The following BMS1 variants were observed in gnomAD, a reference collection of about 807,000 sequenced individuals.
The protein encoded by BMS1 is ribosome biogenesis protein BMS1 homolog.
BMS1 carries 53 observed loss-of-function variants against 138.7 expected under a neutral mutation model. The observed-to-expected ratio is 0.38, with a 90% CI of 0.31 to 0.48. The LOEUF is 0.48. Among genes scored for constraint, BMS1 ranks in the 20% least tolerant of loss-of-function variants. The pLI is 0.97. For missense variants in BMS1, 1,360 were observed against 1,565.5 expected (o/e 0.87, Z 2.22); for synonymous variants, 504 against 539.9 (o/e 0.93, Z 0.92).
chr10:42,817,712 C>T (rs1016956982), intron 15 of BMS1, among the ~76,000 whole-genome samples: 1 of 152,200 alleles, frequency 6.6e-6, no homozygotes, highest in African/African-American at 2.4e-5. Flanking sequence ...AAGATCCATA[C>T]CTATTTTGTA....
intron 14 of BMS1, 74 bp from the exon 15 acceptor site, chr10:42,817,244 A>T (rs1364009040): frequency 8.6e-7 from 1 of 1,168,230 alleles, no homozygotes; most frequent in African/African-American, 1.6e-5. Context: ...TTTAAATAGA[A>T]CTTTAAAAAA....
chr10:42,828,869 T>A (rs1251269259), intron 21 of BMS1, among the ~76,000 whole-genome samples: 1 of 152,156 alleles, frequency 6.6e-6, no homozygotes, highest in Non-Finnish European at 1.5e-5. Context: ...CCGTCTTACA[T>A]GAATTTTTAT....
intron 19 of BMS1, 58 bp from the exon 20 acceptor site, chr10:42,823,060 G>A: frequency 7.4e-7 from 1 of 1,352,286 alleles, no homozygotes; most frequent in Non-Finnish European, 9.6e-7. Context: ...GAAGTAAGAA[G>A]TAAAGCATAA....
In BMS1 at chr10:42,791,654, A is replaced by G. The variant is rs752466647; in HGVS notation, c.664A>G (p.Met222Val). 2 of 1,612,276 alleles carry G rather than the reference A, an allele frequency of 1.2e-6. No individual in the cohort carries two copies. Among genetic ancestry groups the G allele is most frequent in the Non-Finnish European group, 1.7e-6 (2 of 1,179,434 alleles). ...PGAKLFYLSG[M>V]VHGEYQNQEI... ...TGCCAAGCTGTTCTACCTTTCTGGAATGGTGCATGGAGAATATCAAAACCA... is the reference window on the plus strand; with the variant it reads ...TGCCAAGCTGTTCTACCTTTCTGGAGTGGTGCATGGAGAATATCAAAACCA... Residue 222 changes from methionine to valine, a missense_variant, in exon 6 of 23, where the codon ATG becomes GTG. Physicochemically the swap from Met to Val is conservative, Grantham distance 21 (BLOSUM62 1). This residue lies in a region of BMS1 where 238 missense variants were observed against 311.1 expected (regional missense o/e 0.77). Transcript: ENST00000374518.
At chr10:42,807,964 G>A (rs1175697408) in intron 13 of BMS1, among the ~76,000 whole-genome samples, 2 of 152,100 alleles carry the variant, frequency 1.3e-5, no homozygotes, top group Admixed American at 6.5e-5. Flanking sequence ...TGTTCTCACT[G>A]TTGTTTATTC....
In BMS1 at chr10:42,784,532, A is replaced by C; in HGVS notation, c.138A>C (p.Ala46=). The C allele has an allele frequency of 6.2e-7, 1 of 1,614,006 alleles. No individual in the cohort carries two copies. The highest frequency in any genetic ancestry group is 1.1e-5 in the South Asian group (1 of 91,068). Residue 46 remains alanine (A), a synonymous_variant, in exon 2 of 23, where the codon GCA becomes GCC. Coordinates refer to ENST00000374518, the MANE Select transcript of BMS1 (RefSeq NM_014753.4). ...GGAAGAGAAATCCCAAAGCTTTTGC[A>C]GTTCAGTCTGCTGTGCGGATGGCTC... The part of the protein sequence containing the change: ...DARKRNPKAF[A]VQSAVRMARS...
intron 13 of BMS1, among the ~76,000 whole-genome samples, chr10:42,804,089 T>G (rs1023820130): frequency 1.6e-4 from 24 of 152,262 alleles, no homozygotes; most frequent in Non-Finnish European, 2.9e-5. Context: ...TGTTGGCTAG[T>G]GGGTAGTCCA....
chr10:42,791,426 G>C lies in BMS1; in HGVS notation c.637-201G>C, dbSNP rs191892683. On this transcript the variant is annotated intron_variant, in intron 5 of 22. Coordinates refer to ENST00000374518, the MANE Select transcript of BMS1 (RefSeq NM_014753.4). ...CTCACCATACTTAGATGGATGCCCC[G>C]GCTCGGCTGCAGAGCAGTCTGCCTC... Among the ~76,000 whole-genome samples the C allele has an allele frequency of 5.9e-3, 901 of 152,014 alleles. 9 individuals are homozygous for C. The highest frequency in any genetic ancestry group is 0.021 in the African/African-American group (849 of 41,396).
Position 42,785,631 on chromosome 10 carries a change from A to T in BMS1, c.326A>T (p.Gln109Leu). ...TGCCTCATTCGGAACTTTACCCGGC[A>T]GAAGTTGACTGAGATCAGAGGCCCT... is the stretch of plus-strand genomic sequence containing the variant. ...IQCLIRNFTR[Q>L]KLTEIRGPVT... is the part of the protein sequence containing the mutation. Residue 109 changes from glutamine to leucine, a missense_variant, in exon 3 of 23, where the codon CAG (glutamine) becomes CTG (leucine). Coordinates refer to ENST00000374518, the MANE Select transcript of BMS1 (RefSeq NM_014753.4). 1 of 1,613,954 alleles carries T rather than the reference A, an allele frequency of 6.2e-7. No homozygotes were observed. Among genetic ancestry groups the T allele is most frequent in the Non-Finnish European group, 8.5e-7 (1 of 1,179,854 alleles).
At chr10:42,785,450 A>T (rs760976859) in intron 2 of BMS1, 32 bp from the exon 3 acceptor site, 1 of 1,543,290 alleles carries the variant, frequency 6.5e-7, no homozygotes, top group Non-Finnish European at 8.7e-7. Context: ...TGAGTTTACT[A>T]TTTATTTATT....
At chr10:42,792,885 A>C in intron 7 of BMS1, 72 bp from the exon 8 acceptor site, 1 of 1,499,786 alleles carries the variant, frequency 6.7e-7, no homozygotes, top group Non-Finnish European at 9.0e-7. Flanking sequence ...GATCATATTT[A>C]ACCCCCTAGT....
intron 13 of BMS1, among the ~76,000 whole-genome samples, chr10:42,808,221 T>C (rs1342834005): frequency 6.6e-6 from 1 of 151,980 alleles, no homozygotes; most frequent in Non-Finnish European, 1.5e-5. Flanking sequence ...TCCTAATCTG[T>C]AGTTTTCATT....
intron 11 of BMS1, 23 bp downstream of exon 11, chr10:42,797,546 T>G (rs572618537): frequency 1.2e-6 from 2 of 1,603,212 alleles, no homozygotes; most frequent in South Asian, 2.2e-5. Flanking sequence ...GGTTCAGAAC[T>G]AGAAATGTTT....
chr10:42,823,795 CGT>C lies in BMS1; in HGVS notation c.3456+18_3456+19del. On this transcript the variant is annotated intron_variant, in intron 21 of 22. Coordinates refer to ENST00000374518, the MANE Select transcript of BMS1 (RefSeq NM_014753.4). Reference sequence around the variant, plus strand: ...GACTCTCTGTATAAGGTACTGGTCGCGTGTGTGTTAGTGGAGATGAAGCCTGT... The same window carrying C: ...GACTCTCTGTATAAGGTACTGGTCGCGTGTGTTAGTGGAGATGAAGCCTGT... 1 of 1,548,352 alleles carries C rather than the reference CGT, an allele frequency of 6.5e-7. No individual in the cohort carries two copies.
chr10:42,830,578 T>G (rs926849094), intron 22 of BMS1, among the ~76,000 whole-genome samples, 156 bp downstream of exon 22: 1 of 152,144 alleles, frequency 6.6e-6, no homozygotes, highest in African/African-American at 2.4e-5. Context: ...CTTTGCCTGG[T>G]CCTGCTCTGC....
chr10:42,792,991 C>G lies in BMS1; in HGVS notation c.936C>G (p.Phe312Leu), dbSNP rs755403632. 1 of 1,612,344 alleles carries G rather than the reference C, an allele frequency of 6.2e-7. No individual in the cohort carries two copies. The highest frequency in any genetic ancestry group is 8.5e-7 in the Non-Finnish European group (1 of 1,179,556). Reference protein sequence around the residue: ...VGDFAVSDISFLPDPCALPEQ... With the variant: ...VGDFAVSDISLLPDPCALPEQ... The stretch of plus-strand genomic sequence containing the variant: ...ATTTTGCCGTGAGTGACATCAGTTT[C>G]CTCCCAGACCCTTGCGCTCTTCCTG... Residue 312 changes from phenylalanine (F) to leucine (L), a missense_variant, in exon 8 of 23, where the codon TTC becomes TTG. Physicochemically the swap from Phe to Leu is conservative, Grantham distance 22. Coordinates refer to ENST00000374518, the MANE Select transcript of BMS1 (RefSeq NM_014753.4).
chr10:42,818,396 G>A (rs1842409863), intron 15 of BMS1, among the ~76,000 whole-genome samples: 1 of 152,238 alleles, frequency 6.6e-6, no homozygotes, highest in Non-Finnish European at 1.5e-5. Context: ...AGGGTTTTGA[G>A]CAGAGGAGAG....
chr10:42,814,570 T>G (rs1842282721), intron 13 of BMS1, among the ~76,000 whole-genome samples: 1 of 152,244 alleles, frequency 6.6e-6, no homozygotes, highest in African/African-American at 2.4e-5. Flanking sequence ...GGTTCCAACA[T>G]CTGCCTATGT....
At chr10:42,829,212 T>C (rs1367614531) in intron 21 of BMS1, among the ~76,000 whole-genome samples, 1 of 151,890 alleles carries the variant, frequency 6.6e-6, no homozygotes, top group Non-Finnish European at 1.5e-5. Flanking sequence ...CTCGGGAGGC[T>C]GAGGCAAGAG....
Sources: gnomAD v4.1 joint callset for allele counts (sites outside exome capture counted in the v4.1 genomes callset) on GRCh38, gnomAD v4.1.1 for gene constraint, gnomAD v4.1.1 regional missense constraint, MANE v1.5 for transcripts, NCBI Gene and HGNC (gene_info 2026-07-23, HGNC 2026-07-21) for gene names.